The following PSMA2 variants were observed in gnomAD, a reference collection of about 807,000 sequenced individuals.
PSMA2 encodes the protein proteasome 20S subunit alpha 2, also known as proteasome subunit alpha type-2.
In PSMA2, 2 loss-of-function variants were observed where a neutral mutation model predicts 35.9. That is an observed-to-expected ratio of 0.06 (90% CI 0.02 to 0.18). The LOEUF (loss-of-function observed/expected upper bound fraction) is 0.18, where lower values mean the gene tolerates loss of function less well. Ranked by LOEUF, PSMA2 falls within the 10% of genes least tolerant of loss-of-function variation. The probability of loss-of-function intolerance (pLI) is 1.00; values close to 1 mark genes in which losing one functional copy is unlikely to be tolerated. For missense variants in PSMA2, 126 were observed against 278.8 expected (o/e 0.45, Z 3.90); for synonymous variants, 97 against 98.2 (o/e 0.99, Z 0.07).
Position 42,917,082 on chromosome 7 carries a change from T to C in PSMA2, c.*492A>G, listed in dbSNP as rs1006951142. ...TCTTCATAGGCCTAGTACAATCTCATAGAGCACCCTAGGATTTCACTGATC... is the reference window on the plus strand; with the variant it reads ...TCTTCATAGGCCTAGTACAATCTCACAGAGCACCCTAGGATTTCACTGATC... On this transcript the variant is annotated 3_prime_UTR_variant, in exon 8 of 8. Coordinates refer to ENST00000223321, the MANE Select transcript of PSMA2 (RefSeq NM_002787.5). 6.5e-6 allele frequency: 1 copy of C among 154,872 alleles called. No individual in the cohort carries two copies. The highest frequency in any genetic ancestry group is 1.4e-5 in the Non-Finnish European group (1 of 69,960). 9.6% of individuals were successfully genotyped at this position (154,872 alleles called of 1,614,324 possible). A position where few individuals can be genotyped will look rare whatever the true frequency, so the allele number is the denominator to read the frequency against.
At chr7:42,928,227 A>T (rs1786243608) in intron 1 of PSMA2, among the ~76,000 whole-genome samples, 1 of 152,200 alleles carries the variant, frequency 6.6e-6, no homozygotes, top group Admixed American at 6.5e-5. Context: ...ATTTCAAAGC[A>T]TTGTTGTGAT....
intron 4 of PSMA2, among the ~76,000 whole-genome samples, chr7:42,924,191 C>CA (rs5883851): frequency 2.8e-4 from 39 of 137,400 alleles, no homozygotes; most frequent in African/African-American, 7.3e-4. Context: ...CAAAAAAATA[C>CA]AAAAAAAAAA....
chr7:42,929,791 T>C (rs568679361), intron 1 of PSMA2, among the ~76,000 whole-genome samples: 65 of 152,316 alleles, frequency 4.3e-4, no homozygotes, highest in African/African-American at 1.4e-3. Flanking sequence ...TATAGCACAT[T>C]TGCCTCATTT....
intron 1 of PSMA2, among the ~76,000 whole-genome samples, chr7:42,927,815 A>C (rs1349713063): frequency 6.6e-6 from 1 of 152,104 alleles, no homozygotes; most frequent in Non-Finnish European, 1.5e-5. Flanking sequence ...CTGAGGCAGG[A>C]GAATTGCTTG....
At chr7:42,930,231 A>G (rs149976640) in intron 1 of PSMA2, among the ~76,000 whole-genome samples, 47 of 4,908 alleles carry the variant, frequency 9.6e-3, no homozygotes, top group African/African-American at 0.013. Context: ...ACACGCACAC[A>G]CACACACACA....
intron 4 of PSMA2, among the ~76,000 whole-genome samples, 186 bp downstream of exon 4, chr7:42,924,489 A>G (rs1033881943): frequency 2.6e-5 from 4 of 152,182 alleles, no homozygotes; most frequent in African/African-American, 4.8e-5. Flanking sequence ...GCAACAAGAA[A>G]ACACATTTTT....
At chr7:42,919,258 G>A in intron 6 of PSMA2, 1 of 615,466 alleles carries the variant, frequency 1.6e-6, no homozygotes, top group Non-Finnish European at 3.2e-6. Flanking sequence ...GAATAAGGAT[G>A]CCACCAAAGC....
intron 3 of PSMA2, among the ~76,000 whole-genome samples, chr7:42,925,754 G>C (rs1786202764): frequency 6.6e-6 from 1 of 152,160 alleles, no homozygotes; most frequent in Non-Finnish European, 1.5e-5. Flanking sequence ...CCATCCCTCA[G>C]TTTATCCTAT....
intron 1 of PSMA2, among the ~76,000 whole-genome samples, chr7:42,928,937 T>TC (rs1257215332): frequency 6.6e-6 from 1 of 152,206 alleles, no homozygotes; most frequent in Non-Finnish European, 1.5e-5. Flanking sequence ...GCCTGTGATG[T>TC]CCTGCACTTC....
chr7:42,924,614 C>A, intron 4 of PSMA2, 61 bp downstream of exon 4: 1 of 1,532,650 alleles, frequency 6.5e-7, no homozygotes. Flanking sequence ...TATATACCTA[C>A]TCTTTAAAAT....
Position 42,917,616 on chromosome 7 carries a change from A to C in PSMA2, c.663T>G (p.Leu221=). The C allele has an allele frequency of 7.4e-6, 12 of 1,613,024 alleles. No individual in the cohort carries two copies. Among genetic ancestry groups the C allele is most frequent in the Non-Finnish European group, 1.0e-5 (12 of 1,179,934 alleles). The change falls in exon 8 of 8, where the codon CTT becomes CTG. Residue 221 remains leucine, a synonymous_variant. Coordinates refer to ENST00000223321, the MANE Select transcript of PSMA2 (RefSeq NM_002787.5). ...GICNEAGFRR[L]TPTEVKDYLA... ...AGTAATCCTTAACTTCAGTTGGAGT[A>C]AGCCTCCTAAATCCAGCTTCATTGC...
intron 5 of PSMA2, among the ~76,000 whole-genome samples, chr7:42,923,055 A>G: frequency 6.6e-6 from 1 of 152,228 alleles, no homozygotes; most frequent in East Asian, 1.9e-4. Flanking sequence ...AGGTTTAAAT[A>G]CATTTGATAA....
At chr7:42,930,799 G>A (rs1389539969) in intron 1 of PSMA2, among the ~76,000 whole-genome samples, 1 of 151,784 alleles carries the variant, frequency 6.6e-6, no homozygotes. Context: ...CCAAGAGCTG[G>A]AGGCTGCCAA....
intron 1 of PSMA2, 22 bp from the exon 2 acceptor site, chr7:42,927,481 T>G (rs1162064178): frequency 3.7e-6 from 6 of 1,601,520 alleles, no homozygotes; most frequent in African/African-American, 1.3e-5. Context: ...CACAGGTATT[T>G]GTAAGTTCAC....
At chr7:42,925,311 C>A (rs1186404444) in intron 3 of PSMA2, among the ~76,000 whole-genome samples, 2 of 152,182 alleles carry the variant, frequency 1.3e-5, no homozygotes, top group African/African-American at 2.4e-5. Context: ...GTGTTTCACG[C>A]CTGTAATCCC....
At chr7:42,924,606 T>C in intron 4 of PSMA2, 69 bp downstream of exon 4, 2 of 1,494,418 alleles carry the variant, frequency 1.3e-6, no homozygotes, top group South Asian at 1.2e-5. Flanking sequence ...ACTCTATTTA[T>C]ATACCTACTC....
intron 6 of PSMA2, chr7:42,919,838 T>A (rs1786098257): frequency 2.7e-6 from 2 of 740,134 alleles, no homozygotes; most frequent in African/African-American, 3.5e-5. Flanking sequence ...AAGGACACTC[T>A]GGTCCTATTC....
At chr7:42,917,913 G>A (rs563024078) in intron 6 of PSMA2, 78 bp from the exon 7 acceptor site, 26 of 1,061,336 alleles carry the variant, frequency 2.4e-5, no homozygotes, top group African/African-American at 1.5e-4. Flanking sequence ...CAGCAACAAC[G>A]TAAGTTTTTA....
In PSMA2 at chr7:42,927,783, G is replaced by C. The variant is rs140948445; in HGVS notation, c.42-324C>G. ...TAGCCGGGTATGGTGGTGCATGCCT[G>C]TAATCCCAGCTACTTGGGAGGCTGA... On this transcript the variant is annotated intron_variant, in intron 1 of 7. Coordinates refer to ENST00000223321, the MANE Select transcript of PSMA2 (RefSeq NM_002787.5). Among the ~76,000 whole-genome samples the C allele has an allele frequency of 8.2e-3, 1,245 of 152,218 alleles. 18 individuals are homozygous for C. Among genetic ancestry groups the C allele is most frequent in the African/African-American group, 0.029 (1,201 of 41,522 alleles).
Sources: allele counts gnomAD v4.1 joint callset (sites outside exome capture counted in the v4.1 genomes callset), GRCh38; gene constraint gnomAD v4.1.1; transcripts MANE v1.5; gene names NCBI Gene and HGNC (gene_info 2026-07-23, HGNC 2026-07-21).